INPP5D: variants seen among roughly 807,000 people sequenced by gnomAD.
INPP5D encodes phosphatidylinositol 3,4,5-trisphosphate 5-phosphatase 1.
Under a neutral mutation model 122.9 loss-of-function variants are expected in INPP5D, and 33 were observed. The ratio of observed to expected loss-of-function variants is 0.27; its 90% confidence interval spans 0.20 to 0.36. The LOEUF is 0.36. Among genes scored for constraint, INPP5D ranks in the 10% least tolerant of loss-of-function variants. The pLI, the probability that INPP5D is intolerant of heterozygous loss-of-function variation, is 1.00. For synonymous variants in INPP5D, 584 were observed against 576.2 expected (o/e 1.01, Z -0.19); for missense variants, 1,053 against 1,412.7 (o/e 0.75, Z 4.08).
chr2:233,176,413 A>G lies in INPP5D; in HGVS notation c.1990-852A>G, dbSNP rs111486235. ...GATGGATGGATGGATAGATAGATGGATGTGTGGGTGGGTGAATGGATGGAT... is the reference window on the plus strand; with the variant it reads ...GATGGATGGATGGATAGATAGATGGGTGTGTGGGTGGGTGAATGGATGGAT... On this transcript the variant is annotated intron_variant, in intron 17 of 26. Transcript: ENST00000445964. Among the ~76,000 whole-genome samples the G allele has an allele frequency of 7.7e-3, 1,096 of 142,584 alleles. 26 individuals are homozygous for G. Among genetic ancestry groups the G allele is most frequent in the African/African-American group, 0.028 (1,035 of 37,544 alleles). 93.5% of individuals were successfully genotyped at this position (142,584 alleles called of 152,430 possible).
chr2:233,205,271 G>C (rs1403525965), intron 26 of INPP5D: 18 of 149,294 alleles, frequency 1.2e-4, no homozygotes, highest in Admixed American at 1.2e-3. Context: ...CTTGAACCTG[G>C]GAGGCAGAGG....
intron 1 of INPP5D, among the ~76,000 whole-genome samples, chr2:233,070,733 G>A (rs1311411188): frequency 2.6e-5 from 4 of 151,962 alleles, no homozygotes; most frequent in African/African-American, 4.8e-5. Context: ...GAGCCACCGC[G>A]CCCGGCCAGG....
At chr2:233,186,016 C>A in intron 21 of INPP5D, 91 bp downstream of exon 21, 1 of 1,359,466 alleles carries the variant, frequency 7.4e-7, no homozygotes, top group Admixed American at 3.3e-5. Context: ...CCAGGCCTGA[C>A]CAGAGGAAGC....
Position 233,169,218 on chromosome 2 carries a change from CT to C in INPP5D, c.1556-86del, listed in dbSNP as rs1574782178. On this transcript the variant is annotated intron_variant, in intron 13 of 26. Coordinates refer to ENST00000445964, the MANE Select transcript of INPP5D (RefSeq NM_001017915.3). ...CTTGCCAGCTCCTCACTCACTGCCC[CT>C]CTCACCCTGCCTTCGGGTGATTTCT... 74 of 1,534,854 alleles carry C rather than the reference CT, an allele frequency of 4.8e-5. No individual in the cohort carries two copies. The East Asian group carries it at 1.8e-3, about 37-fold the overall frequency.
Position 233,204,540 on chromosome 2 carries a change from C to T in INPP5D, c.3390C>T (p.Asn1130=), listed in dbSNP as rs746244500. Residue 1130 remains asparagine (N), a synonymous_variant, in exon 26 of 27, where the codon AAC becomes AAT. Transcript: ENST00000445964. ...RPIKPSRSEI[N]QQTPPTPTPR... is the part of the protein sequence containing the mutation. Reference sequence around the variant, plus strand: ...TCAAGCCTTCCAGATCGGAAATCAACCAGCAGACCCCGCCCACCCCGACGC... The same window carrying T: ...TCAAGCCTTCCAGATCGGAAATCAATCAGCAGACCCCGCCCACCCCGACGC... 32 of 1,577,094 alleles carry T rather than the reference C, an allele frequency of 2.0e-5. No individual in the cohort carries two copies. In the South Asian group the frequency reaches 3.1e-4, roughly 15 times the overall value.
intron 3 of INPP5D, among the ~76,000 whole-genome samples, chr2:233,125,322 C>A (rs1467703596): frequency 6.6e-6 from 1 of 152,182 alleles, no homozygotes; most frequent in Non-Finnish European, 1.5e-5. Context: ...ACCCCTGGTC[C>A]CCTTCCATGG....
intron 2 of INPP5D, among the ~76,000 whole-genome samples, chr2:233,113,681 C>A (rs943829233): frequency 6.6e-6 from 1 of 152,150 alleles, no homozygotes; most frequent in Non-Finnish European, 1.5e-5. Flanking sequence ...GGGCCACTCT[C>A]GCTGGCTCTC....
intron 1 of INPP5D, among the ~76,000 whole-genome samples, chr2:233,072,687 G>A (rs1691412461): frequency 6.6e-6 from 1 of 152,164 alleles, no homozygotes; most frequent in Non-Finnish European, 1.5e-5. Flanking sequence ...TGTCACTTCT[G>A]TTAAGTTATA....
chr2:233,151,023 C>G (rs1053213193), intron 9 of INPP5D, among the ~76,000 whole-genome samples: 3 of 152,126 alleles, frequency 2.0e-5, no homozygotes, highest in African/African-American at 7.2e-5. Context: ...CCGCTGGGCA[C>G]GCCATCCTAG....
chr2:233,130,300 G>A (rs143239379), intron 4 of INPP5D, among the ~76,000 whole-genome samples: 1 of 152,074 alleles, frequency 6.6e-6, no homozygotes, highest in South Asian at 2.1e-4. Flanking sequence ...TTCCTGCTGG[G>A]CCACTTCTTC....
chr2:233,161,519 G>A (rs1694198151), intron 10 of INPP5D, among the ~76,000 whole-genome samples: 1 of 152,160 alleles, frequency 6.6e-6, no homozygotes, highest in East Asian at 1.9e-4. Context: ...TGATCACTTT[G>A]TTAAAGTCGC....
intron 9 of INPP5D, among the ~76,000 whole-genome samples, chr2:233,152,863 T>TG (rs36172029): frequency 1.3e-4 from 19 of 151,658 alleles, no homozygotes; most frequent in Non-Finnish European, 2.1e-4. Flanking sequence ...GGTTTTCAGC[T>TG]GGGGGGGGTG....
intron 17 of INPP5D, among the ~76,000 whole-genome samples, chr2:233,173,606 A>G (rs1185489826): frequency 6.6e-6 from 1 of 152,156 alleles, no homozygotes; most frequent in Non-Finnish European, 1.5e-5. Flanking sequence ...TAAAATTTCA[A>G]AACTCTCATT....
intron 17 of INPP5D, among the ~76,000 whole-genome samples, chr2:233,175,950 G>A (rs1351259269): frequency 6.6e-6 from 1 of 152,170 alleles, no homozygotes; most frequent in Non-Finnish European, 1.5e-5. Context: ...CCAAAGTGCT[G>A]GGATTACAGG....
intron 1 of INPP5D, among the ~76,000 whole-genome samples, chr2:233,071,602 T>C (rs1691385710): frequency 6.6e-6 from 1 of 152,212 alleles, no homozygotes; most frequent in Non-Finnish European, 1.5e-5. Flanking sequence ...TTGATTGGAA[T>C]TGTACAAAAT....
At chr2:233,195,315 G>A in intron 23 of INPP5D, 84 bp from the exon 24 acceptor site, 8 of 1,602,362 alleles carry the variant, frequency 5.0e-6, no homozygotes, top group South Asian at 1.1e-5. Context: ...GCTTCAGCCT[G>A]CAAATGGAAA....
chr2:233,137,897 T>TATAC (rs1453339834), intron 5 of INPP5D, among the ~76,000 whole-genome samples: 12 of 44,536 alleles, frequency 2.7e-4, no homozygotes, highest in East Asian at 1.3e-3. Flanking sequence ...TATATATATA[T>TATAC]ACACACACAC....
intron 25 of INPP5D, among the ~76,000 whole-genome samples, chr2:233,202,640 G>C (rs961184524): frequency 6.6e-6 from 1 of 152,204 alleles, no homozygotes; most frequent in Non-Finnish European, 1.5e-5. Context: ...AGCTCAGTGG[G>C]TTCCCAGCGA....
rs569434553 is a variant in INPP5D, at chr2:233,173,439, T to C, written c.1989+2287T>C. Among the ~76,000 whole-genome samples the C allele has an allele frequency of 3.3e-5, 5 of 152,330 alleles. No individual in the cohort carries two copies. In the South Asian group the frequency reaches 1.0e-3, roughly 32 times the overall value. ...TTCCAATAATAAACTAACCTTAGCTTACTGTAATTTTTTATTTATAAGCTT... is the reference window on the plus strand; with the variant it reads ...TTCCAATAATAAACTAACCTTAGCTCACTGTAATTTTTTATTTATAAGCTT... On this transcript the variant is annotated intron_variant, in intron 17 of 26. Coordinates refer to ENST00000445964, the MANE Select transcript of INPP5D (RefSeq NM_001017915.3).
Sources: allele counts gnomAD v4.1 joint callset (sites outside exome capture counted in the v4.1 genomes callset), GRCh38; gene constraint gnomAD v4.1.1; transcripts MANE v1.5; gene names NCBI Gene and HGNC (gene_info 2026-07-23, HGNC 2026-07-21).